The following TESC variants were observed in gnomAD, a reference collection of about 807,000 sequenced individuals.
TESC encodes the protein calcineurin B homologous protein 3.
A neutral mutation model predicts 31.0 loss-of-function variants in TESC; 19 were observed. The observed-to-expected ratio is 0.61, with a 90% confidence interval of 0.43 to 0.90. The LOEUF is 0.90. TESC is among the 40% of genes least tolerant of loss of function. The pLI is 0.00. For missense variants in TESC, 248 were observed against 303.8 expected (o/e 0.82, Z 1.36); for synonymous variants, 109 against 114.8 (o/e 0.95, Z 0.32).
At chr12:117,098,847 G>A (rs1172774992) in intron 1 of TESC, among the ~76,000 whole-genome samples, 1 of 151,850 alleles carries the variant, frequency 6.6e-6, no homozygotes, top group South Asian at 2.1e-4. Context: ...TCGCGCTCAC[G>A]AATGCAAACG....
intron 1 of TESC, among the ~76,000 whole-genome samples, chr12:117,093,570 T>C (rs1342619996): frequency 6.6e-6 from 1 of 152,158 alleles, no homozygotes; most frequent in African/African-American, 2.4e-5. Flanking sequence ...CGACTCTACT[T>C]CTCATTATGA....
chr12:117,089,595 C>CT (rs1003499084), intron 1 of TESC, among the ~76,000 whole-genome samples: 15 of 152,096 alleles, frequency 9.9e-5, no homozygotes, highest in South Asian at 2.1e-4. Context: ...CACTTATAAA[C>CT]TTTTTTTATA....
At chr12:117,076,600 C>A (rs145191096) in intron 1 of TESC, among the ~76,000 whole-genome samples, 9 of 152,278 alleles carry the variant, frequency 5.9e-5, no homozygotes, top group Admixed American at 2.0e-4. Flanking sequence ...CGCGCCACCA[C>A]GCCCAGCTAA....
intron 3 of TESC, among the ~76,000 whole-genome samples, chr12:117,052,876 G>A (rs1251169886): frequency 1.3e-5 from 2 of 151,924 alleles, no homozygotes; most frequent in East Asian, 1.9e-4. Flanking sequence ...AAGTGCAGCC[G>A]GAATGAGCTT....
chr12:117,062,714 T>A (rs1358096479), intron 2 of TESC, among the ~76,000 whole-genome samples: 1 of 152,216 alleles, frequency 6.6e-6, no homozygotes, highest in Non-Finnish European at 1.5e-5. Context: ...TAGGACAGGC[T>A]AACCTTTTCA....
chr12:117,042,062 G>A lies in TESC; in HGVS notation c.520-68C>T, dbSNP rs1022440531. 15 of 1,499,486 alleles carry A rather than the reference G, an allele frequency of 1.0e-5. No individual in the cohort carries two copies. The East Asian group carries it at 3.7e-4, about 37-fold the overall frequency. The allele number at this position is 1,499,486 out of a possible 1,614,324, so 92.9% of individuals were successfully genotyped here. On this transcript the variant is annotated intron_variant, in intron 6 of 7. Transcript: ENST00000335209. ...CCCACACAGCTTCCGCAGGGGGACG[G>A]TCCACTGGCCTCCCCTCCCCACCAA...
In TESC at chr12:117,042,079, C is replaced by A; in HGVS notation, c.520-85G>T. 2.2e-6 allele frequency: 3 copies of A among 1,346,284 alleles called. No individual in the cohort carries two copies. In the South Asian group the frequency reaches 3.8e-5, roughly 17 times the overall value. The allele number at this position is 1,346,284 out of a possible 1,614,324, so 83.4% of individuals were successfully genotyped here. A position where few individuals can be genotyped will look rare whatever the true frequency, so the allele number is the denominator to read the frequency against. On this transcript the variant is annotated intron_variant, in intron 6 of 7. Coordinates refer to ENST00000335209, the MANE Select transcript of TESC (RefSeq NM_017899.4). ...GGGGGACGGTCCACTGGCCTCCCCT[C>A]CCCACCAATACCCAAATGTAAGTTG...
chr12:117,051,964 G>T (rs1161396543), intron 3 of TESC, among the ~76,000 whole-genome samples: 1 of 152,050 alleles, frequency 6.6e-6, no homozygotes, highest in Non-Finnish European at 1.5e-5. Flanking sequence ...TTTAAGAGAT[G>T]AGATCTCGCT....
At chr12:117,080,789 C>G (rs1049308886) in intron 1 of TESC, among the ~76,000 whole-genome samples, 4 of 152,190 alleles carry the variant, frequency 2.6e-5, no homozygotes, top group African/African-American at 7.2e-5. Context: ...CCGGGCTGAC[C>G]CTGGGCCCCC....
intron 1 of TESC, among the ~76,000 whole-genome samples, chr12:117,083,467 T>G (rs182813093): frequency 2.1e-4 from 32 of 152,284 alleles, no homozygotes; most frequent in African/African-American, 7.5e-4. Context: ...TGTTCATAAG[T>G]GCCAAGAGGT....
rs537744694 is a variant in TESC at position 117,065,330 on chromosome 12, C to T, written c.129-8444G>A. ...GAAGAAGGGGAGAGAAGTAGCAAAT[C>T]CTGGGCTCCTTGGGAGGTAGAAATG... is the stretch of plus-strand genomic sequence containing the variant. On this transcript the variant is annotated intron_variant, in intron 2 of 7. Transcript: ENST00000335209. 2.0e-5 allele frequency among the ~76,000 whole-genome samples: 3 copies of T among 152,188 alleles called. No individual in the cohort carries two copies. The East Asian group carries it at 5.8e-4, about 29-fold the overall frequency.
In TESC at chr12:117,075,265, T is replaced by A. The variant is rs371378538; in HGVS notation, c.128+6A>T. On this transcript the variant is annotated splice_donor_region_variant and intron_variant, in intron 2 of 7. Transcript: ENST00000335209. ...ACCCAGCACCCAAACCCGCTGCCAA[T>A]CTTACCGAATGGTAGGCTGATCTCC... 2 of 1,612,370 alleles carry A rather than the reference T, an allele frequency of 1.2e-6. No individual in the cohort carries two copies. Among genetic ancestry groups the A allele is most frequent in the African/African-American group, 2.7e-5 (2 of 74,870 alleles).
At chr12:117,052,947 G>A (rs1954669332) in intron 3 of TESC, among the ~76,000 whole-genome samples, 1 of 129,268 alleles carries the variant, frequency 7.7e-6, no homozygotes, top group Non-Finnish European at 1.7e-5. Flanking sequence ...GGCCTCCCCA[G>A]TTCTCCTGGT....
intron 6 of TESC, among the ~76,000 whole-genome samples, chr12:117,043,000 T>A (rs1954507204): frequency 6.6e-6 from 1 of 151,934 alleles, no homozygotes; most frequent in African/African-American, 2.4e-5. Context: ...AAGGGGTTGA[T>A]CTGTATGTCT....
chr12:117,065,244 T>C lies in TESC; in HGVS notation c.129-8358A>G, dbSNP rs2135772248. ...ACAGGGGAACCAGGGAGGAGGCTGT[T>C]GGGGTAGCCCAGGCCAGAGACCATG... On this transcript the variant is annotated intron_variant, in intron 2 of 7. Transcript: ENST00000335209. Among the ~76,000 whole-genome samples, 2 of 152,104 alleles carry C rather than the reference T, an allele frequency of 1.3e-5. 1 individual carries two copies. The highest frequency in any genetic ancestry group is 1.3e-4 in the Admixed American group (2 of 15,280).
At chr12:117,057,854 G>A (rs1366242326) in intron 2 of TESC, among the ~76,000 whole-genome samples, 1 of 152,030 alleles carries the variant, frequency 6.6e-6, no homozygotes, top group African/African-American at 2.4e-5. Flanking sequence ...CAACCACAAT[G>A]GAGTATTTTT....
chr12:117,045,486 G>A (rs1437365410), intron 6 of TESC, among the ~76,000 whole-genome samples: 1 of 152,194 alleles, frequency 6.6e-6, no homozygotes, highest in Non-Finnish European at 1.5e-5. Flanking sequence ...TCTCCCCACC[G>A]AGGTCACAAG....
At chr12:117,049,815 C>T (rs964012089) in intron 3 of TESC, among the ~76,000 whole-genome samples, 1 of 148,556 alleles carries the variant, frequency 6.7e-6, no homozygotes, top group African/African-American at 2.5e-5. Context: ...GCGAGAGAAT[C>T]GCTTGAACTC....
chr12:117,097,598 G>C (rs554521778), intron 1 of TESC, among the ~76,000 whole-genome samples: 3 of 152,260 alleles, frequency 2.0e-5, no homozygotes, highest in South Asian at 4.1e-4. Flanking sequence ...AAGAGCTAGA[G>C]GAATCCCTCC....
Sources: gnomAD v4.1 joint callset for allele counts (sites outside exome capture counted in the v4.1 genomes callset) on GRCh38, gnomAD v4.1.1 for gene constraint, MANE v1.5 for transcripts, NCBI Gene and HGNC (gene_info 2026-07-23, HGNC 2026-07-21) for gene names.